GNAZ: variants seen among roughly 807,000 people sequenced by gnomAD.
GNAZ encodes the protein G protein subunit alpha z, also known as guanine nucleotide-binding protein G(z) subunit alpha.
GNAZ carries 3 observed loss-of-function variants against 25.4 expected under a neutral mutation model. That is an observed-to-expected ratio of 0.12 (90% CI 0.05 to 0.30). GNAZ has a LOEUF of 0.30. GNAZ is among the 10% of genes least tolerant of loss of function. GNAZ has a pLI of 1.00. For missense variants in GNAZ, 241 were observed against 501.8 expected, an observed-to-expected ratio of 0.48 and a Z score of 4.97; for synonymous variants, 211 against 205.7, an observed-to-expected ratio of 1.03 and a Z score of -0.22.
intron 2 of GNAZ, among the ~76,000 whole-genome samples, chr22:23,106,910 C>T (rs988258916): frequency 2.6e-5 from 4 of 152,312 alleles, no homozygotes; most frequent in South Asian, 2.1e-4. Flanking sequence ...GCCATTACTA[C>T]GGGTCACCCC....
chr22:23,100,614 G>A (rs1458456314), intron 2 of GNAZ, among the ~76,000 whole-genome samples: 1 of 152,200 alleles, frequency 6.6e-6, no homozygotes, highest in African/African-American at 2.4e-5. Context: ...CCCACTCCAG[G>A]GCAGGTCAGC....
At chr22:23,109,074 G>A (rs1382795800) in intron 2 of GNAZ, among the ~76,000 whole-genome samples, 1 of 152,184 alleles carries the variant, frequency 6.6e-6, no homozygotes, top group Non-Finnish European at 1.5e-5. Flanking sequence ...TCTTCATGAG[G>A]CCTGGACAGT....
intron 2 of GNAZ, among the ~76,000 whole-genome samples, chr22:23,117,894 T>A (rs1168915711): frequency 6.6e-6 from 1 of 152,106 alleles, no homozygotes; most frequent in East Asian, 1.9e-4. Flanking sequence ...CCCCCACAAC[T>A]AACCAGGCGC....
At chr22:23,081,197 G>A (rs1417324831) in intron 1 of GNAZ, among the ~76,000 whole-genome samples, 6 of 152,204 alleles carry the variant, frequency 3.9e-5, no homozygotes, top group Non-Finnish European at 8.8e-5. Context: ...ACAGCCTAAA[G>A]TTCAGATTCC....
intron 1 of GNAZ, among the ~76,000 whole-genome samples, chr22:23,080,923 G>A (rs2068659584): frequency 6.6e-6 from 1 of 152,192 alleles, no homozygotes; most frequent in Non-Finnish European, 1.5e-5. Flanking sequence ...TACAGGGTTG[G>A]CCCTCCAGGG....
chr22:23,103,452 G>T (rs2069362575), intron 2 of GNAZ, among the ~76,000 whole-genome samples: 1 of 152,208 alleles, frequency 6.6e-6, no homozygotes, highest in Non-Finnish European at 1.5e-5. Context: ...GTCCTTGCCT[G>T]TCAGTCTCCC....
rs189374840 is a variant in GNAZ at position 23,095,705 on chromosome 22, C to A, written c.10C>A (p.Arg4=). The change falls in exon 2 of 3, where the codon CGG becomes AGG. Residue 4 remains arginine, a synonymous_variant. Transcript: ENST00000615612. The part of the protein sequence containing the change: MGC[R]QSSEEKEAAR... The stretch of plus-strand genomic sequence containing the variant: ...CCGCTGCTGCCAGACCATGGGATGT[C>A]GGCAAAGCTCAGAGGAAAAAGAAGC... 2.1e-5 allele frequency: 33 copies of A among 1,605,462 alleles called. No individual in the cohort carries two copies. The East Asian group carries it at 7.4e-4, about 36-fold the overall frequency.
Position 23,123,347 on chromosome 22 carries a change from C to T in GNAZ, c.984C>T (p.Thr328=), listed in dbSNP as rs750263542. The part of the protein sequence containing the change: ...KEIYSHFTCA[T]DTSNIQFVFD... ...TCTACTCCCACTTCACCTGCGCCAC[C>T]GACACCAGTAACATCCAGTTTGTCT... is the stretch of plus-strand genomic sequence containing the variant. Residue 328 remains threonine, a synonymous_variant, in exon 3 of 3, where the codon ACC becomes ACT. Transcript: ENST00000615612. 31 of 1,613,906 alleles carry T rather than the reference C, an allele frequency of 1.9e-5. No homozygotes were observed. In the East Asian group the frequency reaches 3.1e-4, roughly 16 times the overall value.
At chr22:23,082,645 G>A (rs1023687736) in intron 1 of GNAZ, among the ~76,000 whole-genome samples, 1 of 152,246 alleles carries the variant, frequency 6.6e-6, no homozygotes, top group African/African-American at 2.4e-5. Flanking sequence ...GGAGGAGGCT[G>A]CTTGATGACA....
intron 2 of GNAZ, 125 bp downstream of exon 2, chr22:23,096,543 C>A: frequency 9.8e-7 from 1 of 1,018,350 alleles, no homozygotes; most frequent in Non-Finnish European, 1.4e-6. Flanking sequence ...CCTGGCCCTG[C>A]TGCACGATAA....
At chr22:23,100,184 T>G (rs2069255142) in intron 2 of GNAZ, among the ~76,000 whole-genome samples, 1 of 152,290 alleles carries the variant, frequency 6.6e-6, no homozygotes, top group East Asian at 1.9e-4. Context: ...CACAGGGAAC[T>G]GGGGGACAAG....
intron 2 of GNAZ, among the ~76,000 whole-genome samples, chr22:23,110,645 C>A (rs2069617817): frequency 6.6e-6 from 1 of 152,272 alleles, no homozygotes; most frequent in Non-Finnish European, 1.5e-5. Context: ...TGCCCCAGCT[C>A]AAGGGTCAGC....
chr22:23,096,257 A>G lies in GNAZ; in HGVS notation c.562A>G (p.Asn188Asp). 1.2e-6 allele frequency: 2 copies of G among 1,614,052 alleles called. No homozygotes were observed. Among genetic ancestry groups the G allele is most frequent in the Non-Finnish European group, 1.7e-6 (2 of 1,180,036 alleles). Residue 188 changes from asparagine (N) to aspartate (D), a missense_variant, in exon 2 of 3, where the codon AAC (asparagine) becomes GAC (aspartate). By Grantham distance (23) the Asn-to-Asp change is conservative. Coordinates refer to ENST00000615612, the MANE Select transcript of GNAZ (RefSeq NM_002073.4). ...GGACATGACCACGGGCATTGTGGAG[A>G]ACAAGTTCACCTTCAAGGAGCTCAC... ...SRDMTTGIVENKFTFKELTFK... is the reference protein window; with the variant it reads ...SRDMTTGIVEDKFTFKELTFK...
chr22:23,108,164 G>C (rs1437275516), intron 2 of GNAZ, among the ~76,000 whole-genome samples: 2 of 152,228 alleles, frequency 1.3e-5, no homozygotes, highest in Admixed American at 1.3e-4. Context: ...CCCAACCCCT[G>C]CCCCTGTACA....
chr22:23,120,733 G>A (rs977371406), intron 2 of GNAZ, among the ~76,000 whole-genome samples: 4 of 151,908 alleles, frequency 2.6e-5, no homozygotes, highest in East Asian at 1.9e-4. Context: ...CCCGGAGGAA[G>A]CCCCCTACCC....
intron 1 of GNAZ, among the ~76,000 whole-genome samples, chr22:23,073,611 G>A (rs760860713): frequency 1.1e-4 from 16 of 152,220 alleles, no homozygotes; most frequent in Admixed American, 6.5e-4. Context: ...CCTTTCGTGC[G>A]AACACCGCCA....
At chr22:23,077,609 G>A (rs1181169896) in intron 1 of GNAZ, among the ~76,000 whole-genome samples, 3 of 152,158 alleles carry the variant, frequency 2.0e-5, no homozygotes, top group African/African-American at 7.2e-5. Context: ...GTCAGCAAGG[G>A]AGGAGGGGGC....
chr22:23,072,720 G>A (rs2068410365), intron 1 of GNAZ, among the ~76,000 whole-genome samples: 1 of 152,258 alleles, frequency 6.6e-6, no homozygotes, highest in African/African-American at 2.4e-5. Context: ...CTGGACTGTT[G>A]CAGGGACCTG....
At chr22:23,121,049 G>A (rs1011398048) in intron 2 of GNAZ, among the ~76,000 whole-genome samples, 2 of 152,152 alleles carry the variant, frequency 1.3e-5, no homozygotes, top group Admixed American at 6.5e-5. Context: ...AGCAGAATGT[G>A]ACATTCCTAG....
Sources: gnomAD v4.1 joint callset for allele counts (sites outside exome capture counted in the v4.1 genomes callset) on GRCh38, gnomAD v4.1.1 for gene constraint, MANE v1.5 for transcripts, NCBI Gene and HGNC (gene_info 2026-07-23, HGNC 2026-07-21) for gene names.